Variants in PAPPA observed in about 807,000 individuals in gnomAD.
PAPPA encodes the protein pappalysin-1.
PAPPA carries 60 observed loss-of-function variants against 164.0 expected under a neutral mutation model. That is an observed-to-expected ratio of 0.37 (90% CI 0.30 to 0.45). PAPPA has a LOEUF of 0.45. PAPPA is among the 20% of genes least tolerant of loss of function. The pLI is 1.00. For missense variants in PAPPA, 1,782 were observed against 2,087.3 expected, an observed-to-expected ratio of 0.85 and a Z score of 2.85; for synonymous variants, 875 against 814.1, an observed-to-expected ratio of 1.07 and a Z score of -1.27.
intron 21 of PAPPA, among the ~76,000 whole-genome samples, chr9:116,387,309 G>GTAAT (rs1404274795): frequency 6.6e-6 from 1 of 152,178 alleles, no homozygotes; most frequent in African/African-American, 2.4e-5. Context: ...TGAACAAATG[G>GTAAT]TAATAGCTAA....
intron 7 of PAPPA, among the ~76,000 whole-genome samples, chr9:116,236,998 A>G (rs1382959348): frequency 6.6e-6 from 1 of 152,222 alleles, no homozygotes; most frequent in Non-Finnish European, 1.5e-5. Flanking sequence ...TTGGGTGTCA[A>G]TGGTTTCTAT....
intron 9 of PAPPA, among the ~76,000 whole-genome samples, chr9:116,292,785 GAGAC>G (rs1451938078): frequency 6.6e-6 from 1 of 152,146 alleles, no homozygotes; most frequent in Non-Finnish European, 1.5e-5. Context: ...TTTAGAAACT[GAGAC>G]AGGATGAGAA....
intron 17 of PAPPA, 71 bp downstream of exon 17, chr9:116,353,864 C>A: frequency 9.0e-7 from 1 of 1,112,964 alleles, no homozygotes; most frequent in Non-Finnish European, 1.3e-6. Context: ...CTAGCCTGTA[C>A]TTCAGGAACC....
chr9:116,277,824 G>A (rs779857035), intron 9 of PAPPA, among the ~76,000 whole-genome samples: 6 of 152,050 alleles, frequency 3.9e-5, no homozygotes, highest in Middle Eastern at 3.2e-3. Flanking sequence ...TTACAGGCGC[G>A]TGCCACCACA....
intron 6 of PAPPA, among the ~76,000 whole-genome samples, chr9:116,231,741 G>T (rs1844597356): frequency 9.4e-6 from 1 of 106,466 alleles, no homozygotes; most frequent in African/African-American, 3.6e-5. Context: ...TCTCTAAACA[G>T]TGGTTTTTCT....
At chr9:116,254,019 C>G (rs1344458619) in intron 7 of PAPPA, among the ~76,000 whole-genome samples, 2 of 152,160 alleles carry the variant, frequency 1.3e-5, no homozygotes, top group East Asian at 3.9e-4. Context: ...AAAGCCAGTC[C>G]TTTCCTCTTT....
chr9:116,298,669 G>T (rs1196940146), intron 9 of PAPPA, among the ~76,000 whole-genome samples: 1 of 152,152 alleles, frequency 6.6e-6, no homozygotes, highest in Non-Finnish European at 1.5e-5. Context: ...GCCAGATTTT[G>T]GTCATTCGTT....
At chr9:116,284,535 T>C (rs536609748) in intron 9 of PAPPA, among the ~76,000 whole-genome samples, 31 of 147,050 alleles carry the variant, frequency 2.1e-4, no homozygotes, top group Non-Finnish European at 3.7e-4. Context: ...TCTCTATCTT[T>C]AGTCTGGGCC....
At chr9:116,202,174 A>G (rs1196918233) in intron 2 of PAPPA, among the ~76,000 whole-genome samples, 1 of 152,020 alleles carries the variant, frequency 6.6e-6, no homozygotes, top group Non-Finnish European at 1.5e-5. Context: ...GCCTTCTCAC[A>G]CTTTTTTCCC....
rs1846967611 is a variant in PAPPA, at chr9:116,396,607, C to T, written c.4875C>T (p.Ser1625=). The part of the protein sequence containing the change: ...EHSRKDLRGY[S]HG ...GCCGGAAAGACCTCCGGGGATACAG[C>T]CATGGCTAAGGAAGGACAAGAAGTT... The change falls in exon 22 of 22, where the codon AGC becomes AGT. Residue 1625 remains serine, a synonymous_variant. Coordinates refer to ENST00000328252, the MANE Select transcript of PAPPA (RefSeq NM_002581.5). 1 of 780,706 alleles carries T rather than the reference C, an allele frequency of 1.3e-6. No individual in the cohort carries two copies. Among genetic ancestry groups the T allele is most frequent in the Admixed American group, 1.7e-5 (1 of 59,002 alleles). The allele number at this position is 780,706 out of a possible 1,614,324, so 48.4% of individuals were successfully genotyped here.
At position 116,399,514 on chromosome 9, in the gene PAPPA, C is replaced by G. The variant is rs1031948954; in HGVS notation, c.*2898C>G. The G allele has an allele frequency of 6.6e-6, 1 of 152,562 alleles. No individual in the cohort carries two copies. Among genetic ancestry groups the G allele is most frequent in the African/African-American group, 2.4e-5 (1 of 41,426 alleles). 9.5% of individuals were successfully genotyped at this position (152,562 alleles called of 1,614,324 possible). Reference sequence around the variant, plus strand: ...TGTAGGTGACCGGAGCACTGAGAGGCAGCTCTGATGCACTATTGTGTGTCA... The same window carrying G: ...TGTAGGTGACCGGAGCACTGAGAGGGAGCTCTGATGCACTATTGTGTGTCA... On this transcript the variant is annotated 3_prime_UTR_variant, in exon 22 of 22. Transcript: ENST00000328252.
intron 9 of PAPPA, among the ~76,000 whole-genome samples, chr9:116,290,559 G>A (rs972621585): frequency 1.3e-5 from 2 of 152,090 alleles, no homozygotes; most frequent in East Asian, 1.9e-4. Flanking sequence ...AAGTCATAGG[G>A]TTGATCAGGG....
chr9:116,263,109 C>T (rs1201310065), intron 7 of PAPPA, among the ~76,000 whole-genome samples: 3 of 152,138 alleles, frequency 2.0e-5, no homozygotes, highest in African/African-American at 7.2e-5. Flanking sequence ...ACAACACCTT[C>T]CTCAAAGAGC....
At chr9:116,268,838 A>G (rs1845103917) in intron 8 of PAPPA, among the ~76,000 whole-genome samples, 2 of 97,548 alleles carry the variant, frequency 2.1e-5, no homozygotes, top group Admixed American at 3.1e-4. Context: ...TGTTTCCCTA[A>G]GTAGGGGTGG....
At chr9:116,384,853 A>G (rs1846785524) in intron 21 of PAPPA, among the ~76,000 whole-genome samples, 1 of 152,222 alleles carries the variant, frequency 6.6e-6, no homozygotes, top group Admixed American at 6.5e-5. Flanking sequence ...AAGTTTTTAC[A>G]GAATTATGGC....
intron 4 of PAPPA, among the ~76,000 whole-genome samples, chr9:116,216,801 G>C (rs1844378353): frequency 6.6e-6 from 1 of 152,076 alleles, no homozygotes; most frequent in African/African-American, 2.4e-5. Flanking sequence ...GAGTGCAGTG[G>C]TGTGATCTCA....
At chr9:116,188,304 T>C in intron 2 of PAPPA, 88 bp downstream of exon 2, 1 of 945,598 alleles carries the variant, frequency 1.1e-6, no homozygotes, top group Non-Finnish European at 1.6e-6. Context: ...GGCCAGTGGG[T>C]GATATGGGGA....
intron 13 of PAPPA, among the ~76,000 whole-genome samples, chr9:116,344,276 A>G (rs1846177509): frequency 6.6e-6 from 1 of 152,220 alleles, no homozygotes; most frequent in Non-Finnish European, 1.5e-5. Context: ...AACTGAGGCT[A>G]TTCAAGGTTT....
intron 7 of PAPPA, among the ~76,000 whole-genome samples, chr9:116,260,079 T>C (rs1844983016): frequency 6.6e-6 from 1 of 152,164 alleles, no homozygotes. Flanking sequence ...AAAATAAGTA[T>C]AGTATTGAAA....
Sources: allele counts gnomAD v4.1 joint callset (sites outside exome capture counted in the v4.1 genomes callset), GRCh38; gene constraint gnomAD v4.1.1; transcripts MANE v1.5; gene names NCBI Gene and HGNC (gene_info 2026-07-23, HGNC 2026-07-21).